Variants in CREB5 observed in about 807,000 individuals in gnomAD.
CREB5 encodes the protein cyclic AMP-responsive element-binding protein 5.
In CREB5, 19 loss-of-function variants were observed where a neutral mutation model predicts 57.1. That is an observed-to-expected ratio of 0.33 (90% confidence interval 0.23 to 0.49). The LOEUF (loss-of-function observed/expected upper bound fraction) is 0.49. Among genes scored for constraint, CREB5 ranks in the 20% least tolerant of loss-of-function variants. CREB5 has a pLI of 0.99. For missense variants in CREB5, 579 were observed against 671.6 expected (o/e 0.86, Z 1.52); for synonymous variants, 238 against 238.3 (o/e 1.00, Z 0.01).
At chr7:28,432,945 T>C (rs1320884630) in intron 1 of CREB5, among the ~76,000 whole-genome samples, 1 of 152,214 alleles carries the variant, frequency 6.6e-6, no homozygotes, top group Non-Finnish European at 1.5e-5. Flanking sequence ...GTTTTGTGTT[T>C]GAATTTTTTC....
intron 7 of CREB5, among the ~76,000 whole-genome samples, chr7:28,746,763 A>G (rs1316112663): frequency 2.0e-5 from 3 of 152,226 alleles, no homozygotes; most frequent in Non-Finnish European, 4.4e-5. Flanking sequence ...TGAAAAGCTC[A>G]GGCCCTAATA....
chr7:28,567,311 A>G (rs1001136469), intron 4 of CREB5, among the ~76,000 whole-genome samples: 1 of 152,260 alleles, frequency 6.6e-6, no homozygotes, highest in African/African-American at 2.4e-5. Context: ...CTAAAACTGC[A>G]TTATTGCATA....
chr7:28,592,517 A>C (rs1287468853), intron 5 of CREB5, among the ~76,000 whole-genome samples: 1 of 152,194 alleles, frequency 6.6e-6, no homozygotes, highest in Admixed American at 6.5e-5. Context: ...GGGGGGGTTG[A>C]CATCCTTTTG....
intron 10 of CREB5, chr7:28,818,669 A>G (rs1390128324): frequency 2.3e-6 from 1 of 442,454 alleles, no homozygotes; most frequent in Non-Finnish European, 4.5e-6. Flanking sequence ...TGCATCTGGA[A>G]TGCCAGTTGG....
chr7:28,371,187 G>A (rs912478205), intron 1 of CREB5, among the ~76,000 whole-genome samples: 1 of 152,096 alleles, frequency 6.6e-6, no homozygotes, highest in Non-Finnish European at 1.5e-5. Context: ...AAGATTCAGG[G>A]AGGATGGGCA....
intron 4 of CREB5, among the ~76,000 whole-genome samples, chr7:28,532,667 A>G (rs1181038504): frequency 2.6e-5 from 4 of 152,234 alleles, no homozygotes; most frequent in Admixed American, 6.5e-5. Context: ...GAAAATTGGT[A>G]TATTTTATTT....
At chr7:28,457,900 G>A (rs1471068928) in intron 1 of CREB5, among the ~76,000 whole-genome samples, 2 of 152,148 alleles carry the variant, frequency 1.3e-5, no homozygotes, top group Non-Finnish European at 2.9e-5. Context: ...AACATGAGGA[G>A]GTGGGGTGTA....
At chr7:28,522,077 G>A (rs927556673) in intron 4 of CREB5, among the ~76,000 whole-genome samples, 6 of 152,146 alleles carry the variant, frequency 3.9e-5, no homozygotes, top group African/African-American at 1.2e-4. Flanking sequence ...GTTCATCATA[G>A]CAATCCTAGA....
chr7:28,819,466 A>G lies in CREB5; in HGVS notation c.*187A>G. 1 of 576,656 alleles carries G rather than the reference A, an allele frequency of 1.7e-6. No individual in the cohort carries two copies. The highest frequency in any genetic ancestry group is 3.7e-5 in the Admixed American group (1 of 27,256). The allele number at this position is 576,656 out of a possible 1,614,324, so 35.7% of individuals were successfully genotyped here. A position where few individuals can be genotyped will look rare whatever the true frequency, so the allele number is the denominator to read the frequency against. ...TAGTTATATAAGAAAAAAGGGAGTT[A>G]TGCAATTAATATCTATCAGCTTGGG... On this transcript the variant is annotated 3_prime_UTR_variant, in exon 11 of 11. Transcript: ENST00000357727.
chr7:28,353,173 T>C (rs1786268616), intron 1 of CREB5, among the ~76,000 whole-genome samples: 2 of 152,220 alleles, frequency 1.3e-5, no homozygotes, highest in African/African-American at 4.8e-5. Flanking sequence ...TACTGCAACC[T>C]GCGCCTCCCA....
rs149947396 is a variant in CREB5 at position 28,608,094 on chromosome 7, GTCTC to G, written c.464+37574_464+37577del. On this transcript the variant is annotated intron_variant, in intron 5 of 10. Coordinates refer to ENST00000357727, the MANE Select transcript of CREB5 (RefSeq NM_182898.4). ...ATTTCACACCCATGCCTCTCTCTCT[GTCTC>G]TCTCTCTCTCTCTCTCACACACACT... Among the ~76,000 whole-genome samples the G allele has an allele frequency of 3.5e-3, 267 of 76,704 alleles. 1 individual carries two copies. Among genetic ancestry groups the G allele is most frequent in the Middle Eastern group, 0.014 (2 of 148 alleles). 50.3% of individuals were successfully genotyped at this position (76,704 alleles called of 152,430 possible). A position where few individuals can be genotyped will look rare whatever the true frequency, so the allele number is the denominator to read the frequency against.
intron 1 of CREB5, among the ~76,000 whole-genome samples, chr7:28,319,944 T>A (rs1296658254): frequency 2.6e-5 from 4 of 152,012 alleles, no homozygotes; most frequent in South Asian, 4.2e-4. Context: ...TTAAAAAAAT[T>A]TTTTGAGACA....
At chr7:28,467,607 T>C (rs1790643563) in intron 1 of CREB5, among the ~76,000 whole-genome samples, 1 of 152,160 alleles carries the variant, frequency 6.6e-6, no homozygotes, top group Admixed American at 6.5e-5. Flanking sequence ...TTTATTTTAA[T>C]TCTGCAAGCA....
chr7:28,612,580 G>GTT lies in CREB5; in HGVS notation c.464+42044_464+42045insTT, dbSNP rs1445059883. ...TGTGTGTGTGTGTGTGTGTGTGTGT[G>GTT]TGTGTGTGTAAGGATACAGTTAAAG... is the stretch of plus-strand genomic sequence containing the variant. On this transcript the variant is annotated intron_variant, in intron 5 of 10. Transcript: ENST00000357727. Among the ~76,000 whole-genome samples, 8 of 149,916 alleles carry GTT rather than the reference G, an allele frequency of 5.3e-5. No individual in the cohort carries two copies. In the East Asian group the frequency reaches 1.6e-3, roughly 29 times the overall value.
intron 1 of CREB5, among the ~76,000 whole-genome samples, chr7:28,303,876 G>A (rs1406303902): frequency 1.3e-5 from 2 of 151,950 alleles, no homozygotes; most frequent in Non-Finnish European, 1.5e-5. Flanking sequence ...TATATGCAAA[G>A]AAAAACACAC....
intron 5 of CREB5, among the ~76,000 whole-genome samples, chr7:28,596,431 A>G (rs1310321754): frequency 6.6e-6 from 1 of 152,254 alleles, no homozygotes; most frequent in Admixed American, 6.5e-5. Context: ...TTTCCATAAC[A>G]GCACTCTGGG....
At chr7:28,582,190 G>T (rs1363654883) in intron 5 of CREB5, among the ~76,000 whole-genome samples, 1 of 152,200 alleles carries the variant, frequency 6.6e-6, no homozygotes, top group Non-Finnish European at 1.5e-5. Flanking sequence ...CACTTTCTCA[G>T]TAGTATTAAA....
rs1286290011 is a variant in CREB5, at chr7:28,515,807, T to C, written c.291+8070T>C. Among the ~76,000 whole-genome samples the C allele has an allele frequency of 7.2e-5, 11 of 152,208 alleles. No homozygotes were observed. In the East Asian group the frequency reaches 2.1e-3, roughly 29 times the overall value. On this transcript the variant is annotated intron_variant, in intron 4 of 10. Transcript: ENST00000357727. Reference sequence around the variant, plus strand: ...AAGGCTATATGACCTTTAACATAACTTTAAAGAGATACCTAGTAATAAGTA... The same window carrying C: ...AAGGCTATATGACCTTTAACATAACCTTAAAGAGATACCTAGTAATAAGTA...
chr7:28,687,425 G>A (rs534862163), intron 5 of CREB5, among the ~76,000 whole-genome samples: 1 of 151,596 alleles, frequency 6.6e-6, no homozygotes, highest in East Asian at 2.0e-4. Flanking sequence ...AGGATCTCGT[G>A]TACTCAGAGA....
Sources: gnomAD v4.1 joint callset for allele counts (sites outside exome capture counted in the v4.1 genomes callset) on GRCh38, gnomAD v4.1.1 for gene constraint, MANE v1.5 for transcripts, NCBI Gene and HGNC (gene_info 2026-07-23, HGNC 2026-07-21) for gene names.